The following PPM1E variants were observed in gnomAD, a reference collection of about 807,000 sequenced individuals.
PPM1E encodes the protein protein phosphatase 1E.
A neutral mutation model predicts 65.9 loss-of-function variants in PPM1E; 20 were observed. The observed-to-expected ratio is 0.30, with a 90% CI of 0.21 to 0.44. The LOEUF (loss-of-function observed/expected upper bound fraction) is 0.44. PPM1E is among the 20% of genes least tolerant of loss of function. PPM1E has a pLI of 1.00. For synonymous variants in PPM1E, 352 were observed against 374.9 expected, an observed-to-expected ratio of 0.94 and a Z score of 0.70; for missense variants, 713 against 953.1, an observed-to-expected ratio of 0.75 and a Z score of 3.32.
intron 1 of PPM1E, among the ~76,000 whole-genome samples, chr17:58,816,774 ATATATATATATATATATATATTTTTTT>A (rs1288469898): frequency 4.3e-4 from 6 of 13,840 alleles, no homozygotes; most frequent in Non-Finnish European, 8.1e-4. Context: ...ATATATATAT[ATATATATATATATATATATATTTTTTT>A]TTTTTTTTTT....
At chr17:58,836,182 T>A (rs1303021392) in intron 1 of PPM1E, among the ~76,000 whole-genome samples, 1 of 152,176 alleles carries the variant, frequency 6.6e-6, no homozygotes, top group Non-Finnish European at 1.5e-5. Context: ...AACTGTTTTT[T>A]AAGTTTTGGG....
intron 1 of PPM1E, among the ~76,000 whole-genome samples, chr17:58,800,162 A>G (rs1198440467): frequency 6.6e-6 from 1 of 151,832 alleles, no homozygotes; most frequent in African/African-American, 2.4e-5. Flanking sequence ...TTTTTTCTGC[A>G]TCTATTTGGA....
At chr17:58,928,185 TTG>T (rs1468469326) in intron 1 of PPM1E, among the ~76,000 whole-genome samples, 1 of 152,054 alleles carries the variant, frequency 6.6e-6, no homozygotes, top group Admixed American at 6.6e-5. Flanking sequence ...TGAGCTGTGT[TTG>T]CACCACTGCA....
rs536529108 is a variant in PPM1E, at chr17:58,910,381, C to T, written c.465-45268C>T. On this transcript the variant is annotated intron_variant, in intron 1 of 6. Coordinates refer to ENST00000308249, the MANE Select transcript of PPM1E (RefSeq NM_014906.5). Reference sequence around the variant, plus strand: ...TAGATTTCCACCTCTCTGCTTATACCGCCCATCTCTTTTTGCATGTTGTCT... The same window carrying T: ...TAGATTTCCACCTCTCTGCTTATACTGCCCATCTCTTTTTGCATGTTGTCT... 2.0e-4 allele frequency among the ~76,000 whole-genome samples: 31 copies of T among 152,126 alleles called. 1 individual carries two copies. In the East Asian group the frequency reaches 4.1e-3, roughly 20 times the overall value.
chr17:58,970,888 T>C (rs1478423613), intron 4 of PPM1E, among the ~76,000 whole-genome samples: 2 of 152,090 alleles, frequency 1.3e-5, no homozygotes, highest in Non-Finnish European at 2.9e-5. Flanking sequence ...TAATCATCAA[T>C]GTGAAACAAA....
intron 1 of PPM1E, among the ~76,000 whole-genome samples, chr17:58,790,821 G>A (rs1480381583): frequency 6.6e-6 from 1 of 152,060 alleles, no homozygotes; most frequent in Non-Finnish European, 1.5e-5. Flanking sequence ...CTGTCTTACT[G>A]CATTCATGTG....
chr17:58,816,780 ATATATATATATATATTTT>A (rs1274349476), intron 1 of PPM1E, among the ~76,000 whole-genome samples: 161 of 9,102 alleles, frequency 0.018, 3 homozygotes, highest in Middle Eastern at 0.062. Context: ...ATATATATAT[ATATATATATATATATTTT>A]TTTTTTTTTT....
At chr17:58,798,153 A>C (rs976316959) in intron 1 of PPM1E, among the ~76,000 whole-genome samples, 1 of 151,940 alleles carries the variant, frequency 6.6e-6, no homozygotes, top group East Asian at 1.9e-4. Context: ...GGAGTTCCTA[A>C]CACATTCTGA....
intron 1 of PPM1E, among the ~76,000 whole-genome samples, chr17:58,797,309 A>G (rs1461076067): frequency 6.6e-6 from 1 of 152,154 alleles, no homozygotes; most frequent in Non-Finnish European, 1.5e-5. Context: ...CTGCTAACTA[A>G]TATCCCTATC....
chr17:58,756,362 C>T lies in PPM1E; in HGVS notation c.365C>T (p.Pro122Leu), dbSNP rs936724323. 4 of 1,376,816 alleles carry T rather than the reference C, an allele frequency of 2.9e-6. No individual in the cohort carries two copies. The highest frequency in any genetic ancestry group is 3.7e-5 in the Admixed American group (1 of 27,072). 85.3% of individuals were successfully genotyped at this position (1,376,816 alleles called of 1,614,324 possible). ...GTGCCGCCGCCGCCGCCCCAGCTGC[C>T]GCCTTTGCCCCCGCTCCCGCGACCG... ...SAVPPPPPQL[P>L]PLPPLPRPLS... is the part of the protein sequence containing the mutation. Residue 122 changes from proline (P) to leucine (L), a missense_variant, in exon 1 of 7, where the codon CCG becomes CTG. Pro to Leu is a moderately conservative substitution (Grantham distance 98, BLOSUM62 -3). Coordinates refer to ENST00000308249, the MANE Select transcript of PPM1E (RefSeq NM_014906.5).
chr17:58,772,821 A>AT (rs1354937283), intron 1 of PPM1E, among the ~76,000 whole-genome samples: 1 of 152,172 alleles, frequency 6.6e-6, no homozygotes, highest in Non-Finnish European at 1.5e-5. Context: ...AGATACTGGA[A>AT]TTTTTAAACT....
intron 1 of PPM1E, among the ~76,000 whole-genome samples, chr17:58,923,781 G>A (rs1367350000): frequency 6.6e-6 from 1 of 151,310 alleles, no homozygotes; most frequent in African/African-American, 2.4e-5. Flanking sequence ...TGGACATGGT[G>A]GCTTGCACCA....
intron 1 of PPM1E, among the ~76,000 whole-genome samples, chr17:58,906,425 A>G (rs1350527633): frequency 6.6e-6 from 1 of 152,138 alleles, no homozygotes; most frequent in African/African-American, 2.4e-5. Flanking sequence ...TGCAGCTTCA[A>G]TCTCCCAGGC....
chr17:58,887,413 C>T (rs1044850725), intron 1 of PPM1E, among the ~76,000 whole-genome samples: 9 of 152,026 alleles, frequency 5.9e-5, no homozygotes, highest in Non-Finnish European at 2.9e-5. Context: ...GTGATCTGCC[C>T]GTCTCGGCCT....
In PPM1E at chr17:58,755,896, C is replaced by G. The variant is rs1210441967; in HGVS notation, c.-102C>G. 3.3e-6 allele frequency: 5 copies of G among 1,538,074 alleles called. No homozygotes were observed. The highest frequency in any genetic ancestry group is 4.4e-6 in the Non-Finnish European group (5 of 1,144,394). On this transcript the variant is annotated 5_prime_UTR_variant, in exon 1 of 7. Coordinates refer to ENST00000308249, the MANE Select transcript of PPM1E (RefSeq NM_014906.5). ...TGCTGATCGCTCGTGCCGGTGCGGC[C>G]GTTAACCGCCCTTGCCGGAGCCCTA...
chr17:58,955,127 G>A (rs973055615), intron 1 of PPM1E, among the ~76,000 whole-genome samples: 1 of 152,114 alleles, frequency 6.6e-6, no homozygotes, highest in Non-Finnish European at 1.5e-5. Context: ...CACTTTGGGA[G>A]GCCAAGGTGG....
intron 1 of PPM1E, among the ~76,000 whole-genome samples, chr17:58,921,579 G>A (rs1031347599): frequency 9.8e-4 from 149 of 151,482 alleles, no homozygotes; most frequent in Non-Finnish European, 2.4e-4. Context: ...TAGGAGGATC[G>A]CTTGAACCTG....
chr17:58,846,393 T>C (rs2050771648), intron 1 of PPM1E, among the ~76,000 whole-genome samples: 1 of 152,164 alleles, frequency 6.6e-6, no homozygotes, highest in African/African-American at 2.4e-5. Flanking sequence ...TAGCATTAGG[T>C]ATATCTCCTA....
intron 1 of PPM1E, among the ~76,000 whole-genome samples, chr17:58,922,260 A>C (rs773934854): frequency 4.6e-5 from 7 of 151,736 alleles, no homozygotes; most frequent in Non-Finnish European, 7.4e-5. Flanking sequence ...AAGCCAAGTC[A>C]TTATGTTTGA....
Sources: gnomAD v4.1 joint callset for allele counts (sites outside exome capture counted in the v4.1 genomes callset) on GRCh38, gnomAD v4.1.1 for gene constraint, MANE v1.5 for transcripts, NCBI Gene and HGNC (gene_info 2026-07-23, HGNC 2026-07-21) for gene names.